Variants in HNF4G observed in about 807,000 individuals in gnomAD.
HNF4G encodes the protein hepatocyte nuclear factor 4 gamma, also known as hepatocyte nuclear factor 4-gamma.
HNF4G carries 21 observed loss-of-function variants against 50.9 expected under a neutral mutation model. That is an observed-to-expected ratio of 0.41 (90% CI 0.29 to 0.59). HNF4G has a LOEUF of 0.59. Among genes scored for constraint, HNF4G ranks in the 20% least tolerant of loss-of-function variants. The pLI is 0.26. For missense variants in HNF4G, 527 were observed against 559.4 expected (o/e 0.94, Z 0.58); for synonymous variants, 198 against 185.6 (o/e 1.07, Z -0.54).
chr8:75,528,943 A>G (rs1291710298), intron 2 of HNF4G, among the ~76,000 whole-genome samples: 1 of 152,006 alleles, frequency 6.6e-6, no homozygotes, highest in Non-Finnish European at 1.5e-5. Flanking sequence ...GAAGCAGGAC[A>G]CCTCCTGCCT....
chr8:75,413,852 G>C (rs2130467789), intron 1 of HNF4G, among the ~76,000 whole-genome samples: 1 of 148,336 alleles, frequency 6.7e-6, no homozygotes, highest in Non-Finnish European at 1.5e-5. Flanking sequence ...GAGAGACTTT[G>C]TCTAAAAGAT....
At chr8:75,411,017 T>C (rs1352924441) in intron 1 of HNF4G, among the ~76,000 whole-genome samples, 1 of 152,236 alleles carries the variant, frequency 6.6e-6, no homozygotes, top group Non-Finnish European at 1.5e-5. Context: ...GCTTTTTAGA[T>C]TCTTATAACA....
At chr8:75,502,526 AAAAAGTAAGCTTTTAAAC>A (rs1220953716) in intron 2 of HNF4G, among the ~76,000 whole-genome samples, 1 of 152,218 alleles carries the variant, frequency 6.6e-6, no homozygotes, top group Non-Finnish European at 1.5e-5. Context: ...AGGTCAAAAG[AAAAAGTAAGCTTTTAAAC>A]ATATACTAAA....
intron 1 of HNF4G, among the ~76,000 whole-genome samples, chr8:75,413,726 G>C (rs896471866): frequency 4.6e-5 from 7 of 151,818 alleles, no homozygotes; most frequent in Admixed American, 3.9e-4. Context: ...GCATGGTGGC[G>C]GGCGCCTGTA....
intron 2 of HNF4G, 80 bp from the exon 3 acceptor site, chr8:75,547,507 A>G (rs545431790): frequency 9.9e-7 from 1 of 1,010,214 alleles, no homozygotes; most frequent in South Asian, 1.4e-5. Flanking sequence ...GACAATACAT[A>G]TTTAAAATCC....
intron 2 of HNF4G, among the ~76,000 whole-genome samples, chr8:75,544,863 A>G (rs1165868127): frequency 2.0e-5 from 3 of 152,102 alleles, no homozygotes; most frequent in African/African-American, 7.2e-5. Flanking sequence ...TTAAGAACAG[A>G]TTGGACATTT....
chr8:75,556,570 G>GT (rs997141210), intron 6 of HNF4G, among the ~76,000 whole-genome samples: 36 of 152,254 alleles, frequency 2.4e-4, no homozygotes, highest in African/African-American at 8.7e-4. Flanking sequence ...AATGCTAGAA[G>GT]AGGCTAAGGA....
At chr8:75,433,210 T>C (rs1811055926) in intron 1 of HNF4G, among the ~76,000 whole-genome samples, 2 of 152,000 alleles carry the variant, frequency 1.3e-5, no homozygotes, top group African/African-American at 2.4e-5. Context: ...GAGACCAGCC[T>C]GGTCAACATA....
rs931947246 is a variant in HNF4G, at chr8:75,523,232, G to GA, written c.-23-20571dup. Among the ~76,000 whole-genome samples, 8 of 151,150 alleles carry GA rather than the reference G, an allele frequency of 5.3e-5. No individual in the cohort carries two copies. In the East Asian group the frequency reaches 9.7e-4, roughly 18 times the overall value. On this transcript the variant is annotated intron_variant, in intron 2 of 10. Transcript: ENST00000354370. ...GAGTGAGACTCCGTCTGAAAAAAAAGAAAAAAAAGAAAGACAATTTTTCAA... is the reference window on the plus strand; with the variant it reads ...GAGTGAGACTCCGTCTGAAAAAAAAGAAAAAAAAAGAAAGACAATTTTTCAA...
intron 2 of HNF4G, among the ~76,000 whole-genome samples, chr8:75,509,118 C>G (rs901782463): frequency 1.3e-5 from 2 of 152,172 alleles, no homozygotes; most frequent in South Asian, 4.1e-4. Context: ...CAGCTGAGGT[C>G]TGTAAGGAGA....
intron 1 of HNF4G, among the ~76,000 whole-genome samples, chr8:75,417,050 A>G (rs965791069): frequency 1.3e-5 from 2 of 152,120 alleles, no homozygotes; most frequent in African/African-American, 2.4e-5. Context: ...TAATATTTCT[A>G]TATATTTATT....
intron 1 of HNF4G, among the ~76,000 whole-genome samples, chr8:75,482,709 CT>C (rs1328291343): frequency 2.0e-5 from 3 of 152,020 alleles, no homozygotes; most frequent in African/African-American, 7.2e-5. Context: ...TCCTGATCGC[CT>C]TTTGATGTTT....
In HNF4G at chr8:75,543,673, G is replaced by A. The variant is rs1187887021; in HGVS notation, c.119-138G>A. 32 of 614,498 alleles carry A rather than the reference G, an allele frequency of 5.2e-5. 1 individual carries two copies. The highest frequency in any genetic ancestry group is 8.4e-5 in the Non-Finnish European group (31 of 370,536). 38.1% of individuals were successfully genotyped at this position (614,498 alleles called of 1,614,324 possible). ...GCTTAGAACGGAAGCAGCCAGCCAG[G>A]GGTTAAAAGGAAAGCACCAGTGTGG... On this transcript the variant is annotated intron_variant, in intron 1 of 9. Coordinates refer to ENST00000396423, the MANE Select transcript of HNF4G (RefSeq NM_004133.5).
intron 1 of HNF4G, among the ~76,000 whole-genome samples, chr8:75,487,697 C>T (rs538080532): frequency 1.5e-4 from 23 of 152,278 alleles, no homozygotes; most frequent in Non-Finnish European, 2.6e-4. Flanking sequence ...AGAATAATTT[C>T]TTTTCTCACT....
intron 5 of HNF4G, among the ~76,000 whole-genome samples, chr8:75,554,917 T>G (rs1196984181): frequency 1.3e-5 from 2 of 152,042 alleles, no homozygotes; most frequent in Non-Finnish European, 2.9e-5. Flanking sequence ...CCCAGGAGAA[T>G]CTGAGAAGAA....
chr8:75,478,985 G>A (rs1812308866), intron 1 of HNF4G, among the ~76,000 whole-genome samples: 1 of 152,216 alleles, frequency 6.6e-6, no homozygotes, highest in Non-Finnish European at 1.5e-5. Context: ...GCCTCCCGAA[G>A]TGATAGAATT....
At chr8:75,451,054 A>G (rs937782001) in intron 1 of HNF4G, among the ~76,000 whole-genome samples, 10 of 152,330 alleles carry the variant, frequency 6.6e-5, no homozygotes, top group African/African-American at 2.2e-4. Context: ...GTATTCTGTT[A>G]TGGCAACACA....
chr8:75,504,463 CTT>C (rs1813020917), intron 2 of HNF4G, among the ~76,000 whole-genome samples: 1 of 151,832 alleles, frequency 6.6e-6, no homozygotes, highest in African/African-American at 2.4e-5. Flanking sequence ...TTTAATAACT[CTT>C]GATATATACA....
intron 9 of HNF4G, 64 bp from the exon 10 acceptor site, chr8:75,563,911 G>C (rs1004251800): frequency 7.6e-6 from 12 of 1,572,280 alleles, no homozygotes; most frequent in Admixed American, 1.8e-5. Context: ...GTGTTATGTA[G>C]GGTTTAATGG....
Sources: gnomAD v4.1 joint callset for allele counts (sites outside exome capture counted in the v4.1 genomes callset) on GRCh38, gnomAD v4.1.1 for gene constraint, MANE v1.5 for transcripts, NCBI Gene and HGNC (gene_info 2026-07-23, HGNC 2026-07-21) for gene names.